IL1RAPL2: variants seen among roughly 807,000 people sequenced by gnomAD.
IL1RAPL2 encodes the protein interleukin 1 receptor accessory protein like 2.
Under a neutral mutation model 44.1 loss-of-function variants are expected in IL1RAPL2, and 3 were observed. The ratio of observed to expected loss-of-function variants is 0.07; its 90% confidence interval spans 0.03 to 0.18. The LOEUF (loss-of-function observed/expected upper bound fraction) is 0.18. Ranked by LOEUF, IL1RAPL2 falls within the 10% of genes least tolerant of loss-of-function variation. The pLI is 1.00. For synonymous variants in IL1RAPL2, 181 were observed against 178.8 expected (o/e 1.01, Z -0.10); for missense variants, 391 against 496.4 (o/e 0.79, Z 2.02).
intron 4 of IL1RAPL2, among the ~76,000 whole-genome samples, chrX:105,261,048 T>C (rs747058123): frequency 8.9e-5 from 10 of 111,892 alleles, no homozygotes; most frequent in Non-Finnish European, 1.9e-4. Context: ...GACTCCAGGG[T>C]CTCCTCACAT....
intron 2 of IL1RAPL2, among the ~76,000 whole-genome samples, chrX:104,961,142 CTT>C (rs1264352997): frequency 1.8e-5 from 2 of 111,218 alleles, no homozygotes; most frequent in Non-Finnish European, 3.8e-5. Context: ...CCTGAGAACT[CTT>C]GTCTCTCACA....
intron 2 of IL1RAPL2, among the ~76,000 whole-genome samples, chrX:104,759,921 C>T (rs928234595): frequency 3.6e-5 from 4 of 111,347 alleles, no homozygotes; most frequent in Non-Finnish European, 1.9e-5. Flanking sequence ...TTTTTGTGCC[C>T]ATTAACCATC....
At chrX:104,607,121 A>C (rs776436330) in intron 1 of IL1RAPL2, among the ~76,000 whole-genome samples, 1 of 112,192 alleles carries the variant, frequency 8.9e-6, no homozygotes, top group South Asian at 3.7e-4. Context: ...CAAACCTGAC[A>C]CAAACCAGCA....
chrX:105,243,361 G>A (rs184408314), intron 4 of IL1RAPL2, among the ~76,000 whole-genome samples: 11 of 108,689 alleles, frequency 1.0e-4, no homozygotes, highest in East Asian at 5.9e-4. Flanking sequence ...ATCTTCTGCC[G>A]TGATTATAAG....
At chrX:105,126,696 G>A (rs918128099) in intron 2 of IL1RAPL2, among the ~76,000 whole-genome samples, 3 of 111,055 alleles carry the variant, frequency 2.7e-5, no homozygotes, top group Non-Finnish European at 5.7e-5. Flanking sequence ...GAATTAATAC[G>A]CCATTGAAAT....
chrX:105,031,914 G>T (rs1020980483), intron 2 of IL1RAPL2, among the ~76,000 whole-genome samples: 2 of 111,498 alleles, frequency 1.8e-5, no homozygotes, highest in African/African-American at 6.5e-5. Context: ...GCCTGTTATT[G>T]GTCTCTTCAG....
At chrX:104,636,536 G>A (rs1225632761) in intron 1 of IL1RAPL2, among the ~76,000 whole-genome samples, 2 of 112,061 alleles carry the variant, frequency 1.8e-5, no homozygotes, top group African/African-American at 3.2e-5. Flanking sequence ...TCAAGCCTTG[G>A]CAATGGCGGG....
At chrX:105,077,352 A>G (rs190860752) in intron 2 of IL1RAPL2, among the ~76,000 whole-genome samples, 2 of 111,573 alleles carry the variant, frequency 1.8e-5, no homozygotes, top group Non-Finnish European at 3.8e-5. Context: ...TCTTTTCTTT[A>G]AGAATGTTGA....
intron 4 of IL1RAPL2, among the ~76,000 whole-genome samples, chrX:105,235,451 A>G (rs2034112079): frequency 9.0e-6 from 1 of 111,287 alleles, no homozygotes; most frequent in African/African-American, 3.3e-5. Flanking sequence ...GGTTGTTTCT[A>G]TAGGATCTGA....
At chrX:105,052,203 C>G (rs1335070851) in intron 2 of IL1RAPL2, among the ~76,000 whole-genome samples, 1 of 111,629 alleles carries the variant, frequency 9.0e-6, no homozygotes, top group Non-Finnish European at 1.9e-5. Context: ...GTCAAAGAGG[C>G]CTTCCTCTAG....
At chrX:105,671,522 T>C (rs2037824623) in intron 6 of IL1RAPL2, among the ~76,000 whole-genome samples, 1 of 111,773 alleles carries the variant, frequency 8.9e-6, no homozygotes, top group African/African-American at 3.3e-5. Context: ...CAGCAACGTA[T>C]TGACTAAGAG....
rs148251660 is a variant in IL1RAPL2 at position 104,976,745 on chromosome X, A to G, written c.83-218730A>G. ...GTTTCCAGGGGTTCTCCAAATGCCA[A>G]AAACCCCAGAGTATCTGTGGGGCAT... On this transcript the variant is annotated intron_variant, in intron 2 of 10. Transcript: ENST00000372582. Among the ~76,000 whole-genome samples the G allele has an allele frequency of 5.8e-3, 642 of 110,837 alleles. 3 individuals are homozygous for G. Among genetic ancestry groups the G allele is most frequent in the African/African-American group, 0.02 (611 of 30,397 alleles).
chrX:105,547,442 C>T (rs1458015662), intron 6 of IL1RAPL2, among the ~76,000 whole-genome samples: 1 of 112,085 alleles, frequency 8.9e-6, no homozygotes, highest in Non-Finnish European at 1.9e-5. Context: ...CCTAATTCAG[C>T]TGTTACTATC....
chrX:104,597,873 A>C (rs913308002), intron 1 of IL1RAPL2, among the ~76,000 whole-genome samples: 1 of 111,936 alleles, frequency 8.9e-6, no homozygotes, highest in African/African-American at 3.2e-5. Flanking sequence ...TACCTATTGA[A>C]CATCAAATGA....
intron 5 of IL1RAPL2, among the ~76,000 whole-genome samples, chrX:105,356,365 A>C (rs1267601398): frequency 8.9e-6 from 1 of 111,792 alleles, no homozygotes; most frequent in African/African-American, 3.3e-5. Flanking sequence ...TCCAACATCC[A>C]GAACATACAG....
At chrX:105,127,075 A>C (rs2147575449) in intron 2 of IL1RAPL2, among the ~76,000 whole-genome samples, 1 of 111,479 alleles carries the variant, frequency 9.0e-6, no homozygotes, top group East Asian at 2.8e-4. Flanking sequence ...TGAAAAATTG[A>C]GTCTGGTGAT....
rs746875228 is a variant in IL1RAPL2, at chrX:104,607,650, C to T, written c.-20+40599C>T. Among the ~76,000 whole-genome samples, 26 of 112,096 alleles carry T rather than the reference C, an allele frequency of 2.3e-4. No individual in the cohort carries two copies. The East Asian group carries it at 6.2e-3, about 27-fold the overall frequency. Reference sequence around the variant, plus strand: ...CGAAAAAATGCTCATCATCACTGGTCATCAGAGAAATGCAAATCAAAACCA... The same window carrying T: ...CGAAAAAATGCTCATCATCACTGGTTATCAGAGAAATGCAAATCAAAACCA... On this transcript the variant is annotated intron_variant, in intron 1 of 10. Transcript: ENST00000372582.
chrX:105,659,366 A>C (rs1267082539), intron 6 of IL1RAPL2, among the ~76,000 whole-genome samples: 1 of 111,424 alleles, frequency 9.0e-6, no homozygotes, highest in Non-Finnish European at 1.9e-5. Context: ...GAAGTAATTA[A>C]AAAGAATAGG....
chrX:105,720,674 A>T (rs2038295672), intron 7 of IL1RAPL2, among the ~76,000 whole-genome samples: 1 of 111,322 alleles, frequency 9.0e-6, no homozygotes, highest in South Asian at 3.8e-4. Flanking sequence ...ATTCATATAC[A>T]TATCTTTGTA....
Sources: allele counts gnomAD v4.1 joint callset (sites outside exome capture counted in the v4.1 genomes callset), GRCh38; gene constraint gnomAD v4.1.1; transcripts MANE v1.5; gene names NCBI Gene and HGNC (gene_info 2026-07-23, HGNC 2026-07-21).